PCDHA7: variants seen among roughly 807,000 people sequenced by gnomAD.
PCDHA7 encodes protocadherin alpha 7, also known as protocadherin alpha-7.
PCDHA7 carries 37 observed loss-of-function variants against 57.2 expected under a neutral mutation model. The ratio of observed to expected loss-of-function variants is 0.65; its 90% CI spans 0.50 to 0.85. The LOEUF (loss-of-function observed/expected upper bound fraction) is 0.85. Among genes scored for constraint, PCDHA7 ranks in the 40% least tolerant of loss-of-function variants. PCDHA7 has a pLI of 0.00. For synonymous variants in PCDHA7, 553 were observed against 558.8 expected (o/e 0.99, Z 0.15); for missense variants, 1,188 against 1,241.8 (o/e 0.96, Z 0.65).
chr5:140,857,348 C>T lies in PCDHA7; in HGVS notation c.2355+20610C>T, dbSNP rs782358430. 9.4e-6 allele frequency: 15 copies of T among 1,598,398 alleles called. 2 individuals carry two copies. The highest frequency in any genetic ancestry group is 6.7e-5 in the African/African-American group (5 of 74,370). On this transcript the variant is annotated intron_variant, in intron 1 of 3. Coordinates refer to ENST00000525929, the MANE Select transcript of PCDHA7 (RefSeq NM_018910.3). ...CGCGCGGGACGGGGGCTCGCCTCCG[C>T]TGTGGGCCACGGCCAGCGTGTCTGT... is the stretch of plus-strand genomic sequence containing the variant.
At chr5:140,902,125 A>G (rs530625414) in intron 1 of PCDHA7, among the ~76,000 whole-genome samples, 27 of 150,728 alleles carry the variant, frequency 1.8e-4, no homozygotes, top group African/African-American at 6.1e-4. Context: ...CTGAGATTAT[A>G]TCATCTGCAA....
intron 1 of PCDHA7, chr5:140,864,371 G>C (rs1005201982): frequency 6.6e-6 from 1 of 151,926 alleles, no homozygotes; most frequent in Non-Finnish European, 1.5e-5. Context: ...TTCTATAATC[G>C]ATAAGTTTAT....
At chr5:140,967,613 G>C in intron 1 of PCDHA7, 1 of 1,614,182 alleles carries the variant, frequency 6.2e-7, no homozygotes, top group Non-Finnish European at 8.5e-7. Flanking sequence ...GAATGCCTCA[G>C]ACCCGGATGA....
intron 1 of PCDHA7, among the ~76,000 whole-genome samples, chr5:140,954,085 C>G (rs1477637836): frequency 1.3e-5 from 2 of 152,142 alleles, no homozygotes; most frequent in African/African-American, 4.8e-5. Context: ...GCTTCCAGCT[C>G]CATCCATGTC....
rs1554262627 is a variant in PCDHA7 at position 141,009,982 on chromosome 5, T to C, written c.*45T>C. On this transcript the variant is annotated 3_prime_UTR_variant, in exon 4 of 4. Transcript: ENST00000525929. ...GCCACTTAGCCAGTTTTTGTAATAA[T>C]GGCAAATCTCTCCCATGTAGCAATT... 1 of 1,582,572 alleles carries C rather than the reference T, an allele frequency of 6.3e-7. No homozygotes were observed. Among genetic ancestry groups the C allele is most frequent in the East Asian group, 2.2e-5 (1 of 44,666 alleles).
At chr5:140,985,377 A>G (rs782189204) in intron 3 of PCDHA7, among the ~76,000 whole-genome samples, 10 of 152,188 alleles carry the variant, frequency 6.6e-5, no homozygotes, top group Non-Finnish European at 5.9e-5. Context: ...CTGGGTCTAT[A>G]TAATCCAGTC....
chr5:140,858,664 A>G (rs972477672), intron 1 of PCDHA7: 1 of 728,612 alleles, frequency 1.4e-6, no homozygotes, highest in African/African-American at 1.8e-5. Flanking sequence ...TTTAAATAAC[A>G]ATTTATTCTG....
At chr5:140,877,080 C>T in intron 1 of PCDHA7, 2 of 1,613,062 alleles carry the variant, frequency 1.2e-6, no homozygotes, top group East Asian at 2.2e-5. Context: ...TCCAGGTGAG[C>T]GCGCGCGACG....
chr5:140,856,423 T>G (rs1266159746), intron 1 of PCDHA7: 1 of 1,598,178 alleles, frequency 6.3e-7, no homozygotes, highest in East Asian at 2.2e-5. Context: ...TGAAGGACAT[T>G]AACGACAACC....
Position 140,848,651 on chromosome 5 carries a change from G to A in PCDHA7, c.2355+11913G>A. ...TCGTGGGCCGCATCGCGCAGGACCT[G>A]GGGCTGGAGCTGGCGGAGCTGGTGC... is the stretch of plus-strand genomic sequence containing the variant. On this transcript the variant is annotated intron_variant, in intron 1 of 3. Transcript: ENST00000525929. The A allele has an allele frequency of 1.3e-6, 2 of 1,592,962 alleles. 1 individual carries two copies. The highest frequency in any genetic ancestry group is 1.7e-6 in the Non-Finnish European group (2 of 1,163,756).
intron 1 of PCDHA7, chr5:140,966,994 C>T: frequency 6.2e-7 from 1 of 1,604,620 alleles, no homozygotes; most frequent in Non-Finnish European, 8.5e-7. Context: ...GGCCGGGTTG[C>T]TTGCGCATCA....
At chr5:140,994,939 C>T (rs1210134523) in intron 3 of PCDHA7, among the ~76,000 whole-genome samples, 5 of 152,160 alleles carry the variant, frequency 3.3e-5, no homozygotes, top group Non-Finnish European at 7.3e-5. Context: ...CTTAAACATC[C>T]TGCTAAATAA....
At chr5:140,965,853 A>G (rs1554227879) in intron 1 of PCDHA7, among the ~76,000 whole-genome samples, 2 of 152,220 alleles carry the variant, frequency 1.3e-5, no homozygotes, top group Non-Finnish European at 2.9e-5. Flanking sequence ...CAAGGCACAC[A>G]CTGAAAATAA....
rs200597765 is a variant in PCDHA7, at chr5:140,848,761, G to T, written c.2355+12023G>T. 1.1e-5 allele frequency: 18 copies of T among 1,593,344 alleles called. 1 individual carries two copies. The highest frequency in any genetic ancestry group is 1.0e-4 in the Admixed American group (6 of 59,114). On this transcript the variant is annotated intron_variant, in intron 1 of 3. Coordinates refer to ENST00000525929, the MANE Select transcript of PCDHA7 (RefSeq NM_018910.3). ...AATGGCATTTTGTTTGTGAATTCTCGGATCGACCGCGAGGAGCTGTGCGGG... is the reference window on the plus strand; with the variant it reads ...AATGGCATTTTGTTTGTGAATTCTCTGATCGACCGCGAGGAGCTGTGCGGG...
In PCDHA7 at chr5:140,967,564, A is replaced by G. The variant is rs1554229677; in HGVS notation, c.2356-11385A>G. Reference sequence around the variant, plus strand: ...ACCAGTCCACTTATCGCGTCCAGCTACGGGAGGACTCACCCCCAGGCACAT... The same window carrying G: ...ACCAGTCCACTTATCGCGTCCAGCTGCGGGAGGACTCACCCCCAGGCACAT... On this transcript the variant is annotated intron_variant, in intron 1 of 3. Coordinates refer to ENST00000525929, the MANE Select transcript of PCDHA7 (RefSeq NM_018910.3). 10 of 1,614,070 alleles carry G rather than the reference A, an allele frequency of 6.2e-6. No individual in the cohort carries two copies. The Middle Eastern group carries it at 4.9e-4, about 80-fold the overall frequency.
intron 1 of PCDHA7, among the ~76,000 whole-genome samples, chr5:140,916,719 A>G (rs921368119): frequency 2.0e-5 from 3 of 152,128 alleles, no homozygotes; most frequent in Non-Finnish European, 2.9e-5. Context: ...GGAAGGAGTG[A>G]CTTTTGTTGC....
chr5:140,959,413 T>G (rs1328731924), intron 1 of PCDHA7, among the ~76,000 whole-genome samples: 1 of 152,152 alleles, frequency 6.6e-6, no homozygotes, highest in Admixed American at 6.6e-5. Context: ...TGTTGATTGA[T>G]CTGAGAATTT....
At chr5:140,923,264 C>T (rs2081280629) in intron 1 of PCDHA7, among the ~76,000 whole-genome samples, 1 of 152,170 alleles carries the variant, frequency 6.6e-6, no homozygotes, top group Admixed American at 6.5e-5. Flanking sequence ...CATAGTGAGA[C>T]CTTGTCTCTA....
At chr5:140,966,885 C>G in intron 1 of PCDHA7, 1 of 1,590,818 alleles carries the variant, frequency 6.3e-7, no homozygotes, top group Non-Finnish European at 8.5e-7. Flanking sequence ...CCTGGCCCTG[C>G]GGCCTCCCAG....
Sources: gnomAD v4.1 joint callset for allele counts (sites outside exome capture counted in the v4.1 genomes callset) on GRCh38, gnomAD v4.1.1 for gene constraint, MANE v1.5 for transcripts, NCBI Gene and HGNC (gene_info 2026-07-23, HGNC 2026-07-21) for gene names.